Variants in SOX6 observed in about 807,000 individuals in gnomAD.
SOX6 encodes the protein SRY-box transcription factor 6, also known as transcription factor SOX-6.
A neutral mutation model predicts 97.8 loss-of-function variants in SOX6; 11 were observed. The observed-to-expected ratio is 0.11, with a 90% CI of 0.07 to 0.19. The LOEUF is 0.19. SOX6 is among the 10% of genes least tolerant of loss of function. The pLI is 1.00. For missense variants in SOX6, 810 were observed against 1,039.5 expected, an observed-to-expected ratio of 0.78 and a Z score of 3.04; for synonymous variants, 360 against 371.4, an observed-to-expected ratio of 0.97 and a Z score of 0.35.
chr11:16,352,620 T>A (rs1215503018), intron 1 of SOX6, among the ~76,000 whole-genome samples: 1 of 152,164 alleles, frequency 6.6e-6, no homozygotes, highest in East Asian at 1.9e-4. Context: ...GTCTGAAATC[T>A]AAATTAAATA....
intron 6 of SOX6, among the ~76,000 whole-genome samples, chr11:16,127,692 C>A (rs2134015208): frequency 6.6e-6 from 1 of 152,184 alleles, no homozygotes; most frequent in South Asian, 2.1e-4. Context: ...AAATAATATT[C>A]CAAGTTGGAA....
intron 6 of SOX6, among the ~76,000 whole-genome samples, chr11:16,147,339 C>G (rs1339731426): frequency 6.6e-6 from 1 of 151,886 alleles, no homozygotes; most frequent in African/African-American, 2.4e-5. Context: ...ACATCACACA[C>G]TGGGGCCTGT....
At chr11:16,612,263 G>GAA (rs11417208) in intron 3 of SOX6, 3,974 of 146,344 alleles carry the variant, frequency 0.027, 59 homozygotes, top group Middle Eastern at 0.036. Context: ...CTTTGTTCCT[G>GAA]AAAAAAAAAA....
At chr11:16,603,312 G>A (rs1848293588) in intron 4 of SOX6, among the ~76,000 whole-genome samples, 1 of 152,170 alleles carries the variant, frequency 6.6e-6, no homozygotes, top group Non-Finnish European at 1.5e-5. Flanking sequence ...ACCTGACACT[G>A]GGATCTGGGA....
chr11:16,652,067 G>A (rs1346337054), intron 3 of SOX6, among the ~76,000 whole-genome samples: 1 of 152,050 alleles, frequency 6.6e-6, no homozygotes, highest in Non-Finnish European at 1.5e-5. Flanking sequence ...GGAGGTGAAA[G>A]ATCTCTACAA....
intron 9 of SOX6, among the ~76,000 whole-genome samples, chr11:16,061,303 C>CAAAAA (rs67980023): frequency 5.8e-5 from 7 of 121,322 alleles, no homozygotes; most frequent in African/African-American, 2.3e-4. Context: ...ACAATAGCTA[C>CAAAAA]AAAAAAAAAA....
chr11:16,303,827 T>A (rs61883180), intron 3 of SOX6, among the ~76,000 whole-genome samples: 22,977 of 152,188 alleles, frequency 0.15, 1,906 homozygotes, highest in Middle Eastern at 0.2. Context: ...AGCATATAGA[T>A]CCTGCACATG....
At chr11:16,321,594 C>A (rs1274701237) in intron 2 of SOX6, among the ~76,000 whole-genome samples, 1 of 152,010 alleles carries the variant, frequency 6.6e-6, no homozygotes. Flanking sequence ...TGCCATCCTG[C>A]ACCACAGACA....
At chr11:16,421,933 C>A (rs2133065919) in intron 1 of SOX6, among the ~76,000 whole-genome samples, 1 of 152,230 alleles carries the variant, frequency 6.6e-6, no homozygotes, top group Admixed American at 6.5e-5. Context: ...AATAAGCTAG[C>A]AATTAACACA....
chr11:16,340,900 T>G, intron 2 of SOX6, 112 bp downstream of exon 2: 3 of 1,434,766 alleles, frequency 2.1e-6, no homozygotes, highest in Non-Finnish European at 2.9e-6. Context: ...AGTTGTTTCA[T>G]GATCTACACA....
chr11:16,277,845 G>A (rs1032634550), intron 3 of SOX6, among the ~76,000 whole-genome samples: 1 of 152,196 alleles, frequency 6.6e-6, no homozygotes, highest in Non-Finnish European at 1.5e-5. Flanking sequence ...GTTATTCAAC[G>A]TGGTTTCAAA....
intron 4 of SOX6, among the ~76,000 whole-genome samples, chr11:16,551,154 T>C (rs771207181): frequency 6.6e-6 from 1 of 152,132 alleles, no homozygotes. Context: ...GAGACCAGCC[T>C]AGACAACATA....
At chr11:16,039,342 A>C (rs997343904) in intron 12 of SOX6, among the ~76,000 whole-genome samples, 3 of 152,082 alleles carry the variant, frequency 2.0e-5, no homozygotes, top group African/African-American at 4.8e-5. Flanking sequence ...CTAAACTTTT[A>C]CTGTGTTTGA....
chr11:16,143,149 T>A (rs1320295483), intron 6 of SOX6, among the ~76,000 whole-genome samples: 1 of 152,130 alleles, frequency 6.6e-6, no homozygotes, highest in African/African-American at 2.4e-5. Context: ...TAACAGCGGA[T>A]CTCTCAGCAG....
chr11:16,077,688 A>G (rs566322055), intron 9 of SOX6, among the ~76,000 whole-genome samples: 3 of 152,266 alleles, frequency 2.0e-5, no homozygotes, highest in Admixed American at 6.5e-5. Flanking sequence ...TCATTATCCT[A>G]AGCAAACTAA....
intron 6 of SOX6, among the ~76,000 whole-genome samples, chr11:16,182,358 C>T (rs371462624): frequency 6.6e-6 from 1 of 151,926 alleles, no homozygotes; most frequent in East Asian, 1.9e-4. Flanking sequence ...ACAGAGAGAA[C>T]TAAACGATCA....
intron 4 of SOX6, among the ~76,000 whole-genome samples, chr11:16,503,987 G>T (rs940935449): frequency 6.6e-6 from 1 of 151,824 alleles, no homozygotes; most frequent in Non-Finnish European, 1.5e-5. Context: ...AGCTTGCAGT[G>T]AGCTGAGATT....
intron 4 of SOX6, among the ~76,000 whole-genome samples, chr11:16,221,428 A>G (rs963366055): frequency 6.0e-5 from 9 of 150,492 alleles, no homozygotes; most frequent in Non-Finnish European, 1.0e-4. Flanking sequence ...TATGTGATGA[A>G]ATGAGAAGCA....
chr11:16,398,006 G>T (rs924341157), intron 1 of SOX6, among the ~76,000 whole-genome samples: 3 of 151,470 alleles, frequency 2.0e-5, no homozygotes, highest in Non-Finnish European at 4.4e-5. Context: ...TAGTGACATG[G>T]TCCCTTATCC....
Sources: allele counts gnomAD v4.1 joint callset (sites outside exome capture counted in the v4.1 genomes callset), GRCh38; gene constraint gnomAD v4.1.1; transcripts MANE v1.5; gene names NCBI Gene and HGNC (gene_info 2026-07-23, HGNC 2026-07-21).